The following ASB1 variants were observed in gnomAD, a reference collection of about 807,000 sequenced individuals.
ASB1 encodes ankyrin repeat and SOCS box protein 1.
ASB1 carries 18 observed loss-of-function variants against 27.7 expected under a neutral mutation model. That is an observed-to-expected ratio of 0.65 (90% CI 0.45 to 0.96). The LOEUF (loss-of-function observed/expected upper bound fraction) is 0.96, where lower values mean the gene tolerates loss of function less well. Ranked by LOEUF, ASB1 falls within the 50% of genes least tolerant of loss-of-function variation. The pLI, the probability that ASB1 is intolerant of heterozygous loss-of-function variation, is 0.00. For missense variants in ASB1, 397 were observed against 451.7 expected (o/e 0.88, Z 1.10); for synonymous variants, 189 against 187.6 (o/e 1.01, Z -0.06).
chr2:238,441,408 T>G (rs916902476), intron 3 of ASB1, among the ~76,000 whole-genome samples: 2 of 152,204 alleles, frequency 1.3e-5, no homozygotes, highest in African/African-American at 4.8e-5. Context: ...GCGCTGGGAT[T>G]ACAGGCATGA....
rs997906740 is a variant in ASB1 at position 238,448,071 on chromosome 2, T to C, written c.*1560T>C. The C allele has an allele frequency of 3.3e-5, 5 of 152,324 alleles. No individual in the cohort carries two copies. The highest frequency in any genetic ancestry group is 1.2e-4 in the African/African-American group (5 of 41,434). The allele number at this position is 152,324 out of a possible 1,614,324, so 9.4% of individuals were successfully genotyped here. On this transcript the variant is annotated 3_prime_UTR_variant, in exon 5 of 5. Coordinates refer to ENST00000264607, the MANE Select transcript of ASB1 (RefSeq NM_001040445.3). ...GAGGTGACACTGTTAGAAGCTGTGA[T>C]GGTTGTGTAAATGTGGGCTGTGTGC... is the stretch of plus-strand genomic sequence containing the variant.
At chr2:238,436,351 C>T (rs1266039718) in intron 3 of ASB1, among the ~76,000 whole-genome samples, 1 of 151,926 alleles carries the variant, frequency 6.6e-6, no homozygotes, top group Non-Finnish European at 1.5e-5. Context: ...ATTTAAATAG[C>T]TCTAATTGAA....
chr2:238,439,262 T>A (rs1349787095), intron 3 of ASB1, among the ~76,000 whole-genome samples: 3 of 152,132 alleles, frequency 2.0e-5, no homozygotes, highest in Admixed American at 2.0e-4. Context: ...GGAAGCTTCA[T>A]TGTCATGTGA....
In ASB1 at chr2:238,452,189, A is replaced by T. The variant is rs1223170358; in HGVS notation, c.*5678A>T. The T allele has an allele frequency of 6.6e-6, 1 of 152,162 alleles. No homozygotes were observed. Among genetic ancestry groups the T allele is most frequent in the African/African-American group, 2.4e-5 (1 of 41,400 alleles). The allele number at this position is 152,162 out of a possible 1,614,324, so 9.4% of individuals were successfully genotyped here. A position where few individuals can be genotyped will look rare whatever the true frequency, so the allele number is the denominator to read the frequency against. ...TTTGACGGTGGGAGGGTGAGATGTGAAGATGTGGGATGAACCTGGAATGAA... is the reference window on the plus strand; with the variant it reads ...TTTGACGGTGGGAGGGTGAGATGTGTAGATGTGGGATGAACCTGGAATGAA... On this transcript the variant is annotated 3_prime_UTR_variant, in exon 5 of 5. Coordinates refer to ENST00000264607, the MANE Select transcript of ASB1 (RefSeq NM_001040445.3).
intron 1 of ASB1, 117 bp from the exon 2 acceptor site, chr2:238,433,437 A>G: frequency 3.2e-6 from 4 of 1,232,376 alleles, no homozygotes; most frequent in Non-Finnish European, 4.5e-6. Flanking sequence ...TTATTTCTTG[A>G]GCATTTGAAG....
intron 3 of ASB1, 85 bp downstream of exon 3, chr2:238,436,098 G>C (rs539137731): frequency 1.5e-6 from 2 of 1,347,228 alleles, no homozygotes; most frequent in African/African-American, 3.0e-5. Context: ...TTTAGAATTC[G>C]GCTCTTTAGA....
chr2:238,432,257 A>T (rs1480051393), intron 1 of ASB1, among the ~76,000 whole-genome samples: 3 of 152,202 alleles, frequency 2.0e-5, no homozygotes, highest in African/African-American at 7.2e-5. Flanking sequence ...ACTTTAGAAT[A>T]TTTTTTGTGA....
intron 1 of ASB1, among the ~76,000 whole-genome samples, chr2:238,430,762 G>A (rs1226727863): frequency 3.3e-5 from 5 of 152,354 alleles, no homozygotes; most frequent in South Asian, 2.1e-4. Context: ...GGCTGTGTTC[G>A]CAGGCATGAA....
chr2:238,441,582 A>G (rs1160800782), intron 3 of ASB1, among the ~76,000 whole-genome samples: 1 of 152,176 alleles, frequency 6.6e-6, no homozygotes, highest in Non-Finnish European at 1.5e-5. Context: ...AGTGGACTGT[A>G]CACTTTCACT....
In ASB1 at chr2:238,435,398, T is replaced by G. The variant is rs1172811438; in HGVS notation, c.192-313T>G. 9 of 360,628 alleles carry G rather than the reference T, an allele frequency of 2.5e-5. No homozygotes were observed. The East Asian group carries it at 5.5e-4, about 22-fold the overall frequency. 22.3% of individuals were successfully genotyped at this position (360,628 alleles called of 1,614,324 possible). A position where few individuals can be genotyped will look rare whatever the true frequency, so the allele number is the denominator to read the frequency against. ...TTGGCACTGCCTCCCAGGCAGACCC[T>G]TCCCACCTTTGTAGAGGAAGGCACT... On this transcript the variant is annotated intron_variant, in intron 2 of 4. Transcript: ENST00000264607.
chr2:238,436,670 A>G (rs903702225), intron 3 of ASB1, among the ~76,000 whole-genome samples: 1 of 151,800 alleles, frequency 6.6e-6, no homozygotes, highest in Non-Finnish European at 1.5e-5. Context: ...GCTTCTTCTT[A>G]TTTTTTAATG....
At chr2:238,441,895 T>C (rs6747427) in intron 3 of ASB1, among the ~76,000 whole-genome samples, 24,174 of 152,168 alleles carry the variant, frequency 0.16, 3,718 homozygotes, top group African/African-American at 0.4. Flanking sequence ...TGCTAGCGAT[T>C]GACAGATTGC....
chr2:238,426,950 G>C lies in ASB1; in HGVS notation c.-121G>C. On this transcript the variant is annotated 5_prime_UTR_variant, in exon 1 of 5. Transcript: ENST00000264607. ...CCAGTGAGGCCGGCGCGCGCCCGCC[G>C]GAAGCCGCGACCCCGACGCGCCCCC... The C allele has an allele frequency of 2.6e-6, 2 of 773,874 alleles. No individual in the cohort carries two copies. The highest frequency in any genetic ancestry group is 3.5e-6 in the Non-Finnish European group (2 of 574,674). 47.9% of individuals were successfully genotyped at this position (773,874 alleles called of 1,614,324 possible).
chr2:238,435,912 C>T lies in ASB1; in HGVS notation c.393C>T (p.Leu131=), dbSNP rs202189794. ...ACCTAGAGAGTACCCAGATCCTTCTCGAAGCTGGCGCGGACCCCAACGGAA... is the reference window on the plus strand; with the variant it reads ...ACCTAGAGAGTACCCAGATCCTTCTTGAAGCTGGCGCGGACCCCAACGGAA... ...NGHLESTQIL[L]EAGADPNGSR... The change falls in exon 3 of 5, where the codon CTC becomes CTT. Residue 131 remains leucine (L), a synonymous_variant. Transcript: ENST00000264607. The T allele has an allele frequency of 1.1e-4, 178 of 1,614,230 alleles. No individual in the cohort carries two copies. The highest frequency in any genetic ancestry group is 3.3e-4 in the South Asian group (30 of 91,082).
In ASB1 at chr2:238,451,876, T is replaced by C. The variant is rs1702292694; in HGVS notation, c.*5365T>C. The C allele has an allele frequency of 7.0e-6, 1 of 142,598 alleles. No individual in the cohort carries two copies. The highest frequency in any genetic ancestry group is 2.4e-5 in the African/African-American group (1 of 40,962). 8.8% of individuals were successfully genotyped at this position (142,598 alleles called of 1,614,324 possible). A position where few individuals can be genotyped will look rare whatever the true frequency, so the allele number is the denominator to read the frequency against. On this transcript the variant is annotated 3_prime_UTR_variant, in exon 5 of 5. Transcript: ENST00000264607. Reference sequence around the variant, plus strand: ...TCTTTCTATGGAACGTTTCAAGTGATTGGATAGAAAGAAGGGCTCTGAAGC... The same window carrying C: ...TCTTTCTATGGAACGTTTCAAGTGACTGGATAGAAAGAAGGGCTCTGAAGC...
intron 2 of ASB1, 28 bp from the exon 3 acceptor site, chr2:238,435,683 C>G: frequency 6.3e-7 from 1 of 1,591,960 alleles, no homozygotes. Context: ...GGCTGCCTCT[C>G]ATGAGCCCCC....
intron 4 of ASB1, 149 bp downstream of exon 4, chr2:238,444,876 T>C (rs1702148257): frequency 7.1e-6 from 6 of 841,564 alleles, no homozygotes; most frequent in Non-Finnish European, 1.1e-5. Flanking sequence ...GTTGTTCAGA[T>C]TGATCTTCTC....
chr2:238,439,319 C>T (rs190014626), intron 3 of ASB1, among the ~76,000 whole-genome samples: 23 of 152,068 alleles, frequency 1.5e-4, no homozygotes, highest in Admixed American at 1.0e-3. Context: ...TAGTGGAAGC[C>T]TCGTTGTCAT....
At chr2:238,437,627 C>G (rs950571296) in intron 3 of ASB1, among the ~76,000 whole-genome samples, 5 of 151,770 alleles carry the variant, frequency 3.3e-5, no homozygotes, top group Non-Finnish European at 7.4e-5. Flanking sequence ...TTCTTTCCAG[C>G]AAAGATGCTT....
Sources: gnomAD v4.1 joint callset for allele counts (sites outside exome capture counted in the v4.1 genomes callset) on GRCh38, gnomAD v4.1.1 for gene constraint, MANE v1.5 for transcripts, NCBI Gene and HGNC (gene_info 2026-07-23, HGNC 2026-07-21) for gene names.